SINHCAF: variants seen among roughly 807,000 people sequenced by gnomAD.
SINHCAF encodes SIN3-HDAC complex-associated factor.
SINHCAF carries 3 observed loss-of-function variants against 25.8 expected under a neutral mutation model. That is an observed-to-expected ratio of 0.12 (90% CI 0.05 to 0.30). SINHCAF has a LOEUF of 0.30. SINHCAF is among the 10% of genes least tolerant of loss of function. The probability of loss-of-function intolerance (pLI) is 1.00; values close to 1 mark genes in which losing one functional copy is unlikely to be tolerated. For synonymous variants in SINHCAF, 70 were observed against 85.5 expected (o/e 0.82, Z 1.00); for missense variants, 121 against 262.3 (o/e 0.46, Z 3.72).
chr12:31,315,762 T>C (rs1939472914), intron 1 of SINHCAF, among the ~76,000 whole-genome samples: 1 of 152,268 alleles, frequency 6.6e-6, no homozygotes, highest in Non-Finnish European at 1.5e-5. Flanking sequence ...AATTTTAAGT[T>C]GTCATTTGTA....
intron 4 of SINHCAF, among the ~76,000 whole-genome samples, chr12:31,293,556 G>A (rs778775656): frequency 6.6e-5 from 10 of 152,132 alleles, no homozygotes; most frequent in Admixed American, 2.0e-4. Flanking sequence ...TGTCAATAAA[G>A]ACATCAGGGT....
At chr12:31,299,742 T>G (rs996611635) in intron 1 of SINHCAF, among the ~76,000 whole-genome samples, 2 of 152,232 alleles carry the variant, frequency 1.3e-5, no homozygotes, top group Non-Finnish European at 2.9e-5. Flanking sequence ...TACAGTCATG[T>G]GTTGCTTAAC....
Position 31,282,622 on chromosome 12 carries a change from C to CAAA in SINHCAF, c.*87_*89dup. 4.8e-6 allele frequency: 5 copies of CAAA among 1,048,826 alleles called. No individual in the cohort carries two copies. In the African/African-American group the frequency reaches 5.5e-5, roughly 11 times the overall value. 65.0% of individuals were successfully genotyped at this position (1,048,826 alleles called of 1,614,324 possible). ...GGGTAACAAGAGCAAAACTCCGTCT[C>CAAA]AAAAAAAAAAGAGGGTCAGTTTGTA... On this transcript the variant is annotated 3_prime_UTR_variant, in exon 6 of 6. Transcript: ENST00000337682.
chr12:31,297,322 GTTTT>G (rs1046944397), intron 2 of SINHCAF, among the ~76,000 whole-genome samples: 1 of 151,844 alleles, frequency 6.6e-6, no homozygotes, highest in African/African-American at 2.4e-5. Flanking sequence ...CGTCTGGTGA[GTTTT>G]TTGTTTGTAT....
intron 5 of SINHCAF, among the ~76,000 whole-genome samples, chr12:31,285,814 A>C (rs1938038634): frequency 6.6e-6 from 1 of 151,830 alleles, no homozygotes; most frequent in Middle Eastern, 3.2e-3. Flanking sequence ...CATCTCTACT[A>C]AAATACAAAA....
In SINHCAF at chr12:31,325,174, A is replaced by G. The variant is rs761051412; in HGVS notation, c.-21+850T>C. On this transcript the variant is annotated intron_variant, in intron 1 of 5. Transcript: ENST00000337682. This position sits in a 1 kb window ranked among gnomAD's most constrained non-coding sequence, Gnocchi z 5.9. ...TCTTACAGCGCGGACGGCCGCCCATAAACGGGAAGCCCTCGCGGTGTCGCC... is the reference window on the plus strand; with the variant it reads ...TCTTACAGCGCGGACGGCCGCCCATGAACGGGAAGCCCTCGCGGTGTCGCC... 2.2e-6 allele frequency: 1 copy of G among 456,734 alleles called. No individual in the cohort carries two copies. The highest frequency in any genetic ancestry group is 1.5e-5 in the South Asian group (1 of 64,570). 28.3% of individuals were successfully genotyped at this position (456,734 alleles called of 1,614,324 possible). A position where few individuals can be genotyped will look rare whatever the true frequency, so the allele number is the denominator to read the frequency against.
intron 1 of SINHCAF, among the ~76,000 whole-genome samples, chr12:31,298,990 A>G (rs991314110): frequency 7.2e-5 from 11 of 151,980 alleles, no homozygotes; most frequent in Non-Finnish European, 8.8e-5. Flanking sequence ...TAACAGTGGG[A>G]GGCAAATGTC....
At chr12:31,291,284 C>T (rs17603947) in intron 4 of SINHCAF, among the ~76,000 whole-genome samples, 5 of 152,102 alleles carry the variant, frequency 3.3e-5, no homozygotes, top group Admixed American at 2.6e-4. Context: ...CATTTATAGA[C>T]GAATTTATTT....
chr12:31,325,722 A>C lies in SINHCAF; in HGVS notation c.-21+302T>G, dbSNP rs1296961190. The C allele has an allele frequency of 6.2e-6, 1 of 160,072 alleles. No individual in the cohort carries two copies. Among genetic ancestry groups the C allele is most frequent in the Admixed American group, 6.1e-5 (1 of 16,344 alleles). The allele number at this position is 160,072 out of a possible 1,614,324, so 9.9% of individuals were successfully genotyped here. The stretch of plus-strand genomic sequence containing the variant: ...TGTCACCTTCAACGTGGATCCCTCA[A>C]CTCCGGCGACTCCTCAATTATGCCC... On this transcript the variant is annotated intron_variant, in intron 1 of 5. Coordinates refer to ENST00000337682, the MANE Select transcript of SINHCAF (RefSeq NM_001135812.2). This position sits in a 1 kb window ranked among gnomAD's most constrained non-coding sequence, Gnocchi z 5.9.
intron 1 of SINHCAF, among the ~76,000 whole-genome samples, chr12:31,312,355 T>TG (rs1939306098): frequency 6.6e-6 from 1 of 150,500 alleles, no homozygotes; most frequent in African/African-American, 2.4e-5. Context: ...TTTTACGTAT[T>TG]TTGTGTGTGT....
Position 31,298,409 on chromosome 12 carries a change from A to G in SINHCAF, c.-20-185T>C, listed in dbSNP as rs1456690131. ...TGGCACTATCAAGGCAAGCGTATAA[A>G]ACACAAAGAAAAGCCTAGTTATTTA... is the stretch of plus-strand genomic sequence containing the variant. On this transcript the variant is annotated intron_variant, in intron 1 of 5. Transcript: ENST00000337682. The G allele has an allele frequency of 6.9e-6, 4 of 576,644 alleles. No individual in the cohort carries two copies. In the Admixed American group the frequency reaches 1.2e-4, roughly 18 times the overall value. 35.7% of individuals were successfully genotyped at this position (576,644 alleles called of 1,614,324 possible). A position where few individuals can be genotyped will look rare whatever the true frequency, so the allele number is the denominator to read the frequency against.
At position 31,286,207 on chromosome 12, in the gene SINHCAF, T is replaced by C. The variant is rs1938057344; in HGVS notation, c.506+1427A>G. 3.9e-5 allele frequency among the ~76,000 whole-genome samples: 6 copies of C among 152,346 alleles called. No homozygotes were observed. In the South Asian group the frequency reaches 1.2e-3, roughly 32 times the overall value. On this transcript the variant is annotated intron_variant, in intron 5 of 5. Coordinates refer to ENST00000337682, the MANE Select transcript of SINHCAF (RefSeq NM_001135812.2). The stretch of plus-strand genomic sequence containing the variant: ...TTCATTTTATCACAATTATGTATTA[T>C]GTACTTTTGTCCTTTTTGTAAGATA...
chr12:31,290,140 TTTTGTTTG>T (rs138412589), intron 4 of SINHCAF, among the ~76,000 whole-genome samples: 17 of 151,586 alleles, frequency 1.1e-4, no homozygotes, highest in East Asian at 5.8e-4. Flanking sequence ...ATGTTTTTGT[TTTTGTTTG>T]TTTGTTTGTT....
intron 4 of SINHCAF, among the ~76,000 whole-genome samples, chr12:31,292,813 C>T (rs1290650699): frequency 6.6e-6 from 1 of 152,164 alleles, no homozygotes; most frequent in Admixed American, 6.6e-5. Flanking sequence ...TTTACCGTCA[C>T]TAAACTTAGA....
chr12:31,309,575 T>C (rs1349586627), intron 1 of SINHCAF, among the ~76,000 whole-genome samples: 1 of 152,140 alleles, frequency 6.6e-6, no homozygotes, highest in Admixed American at 6.5e-5. Flanking sequence ...AGGAGCCTTA[T>C]GGTTTCCTTC....
rs74337624 is a variant in SINHCAF at position 31,308,673 on chromosome 12, T to G, written c.-20-10449A>C. ...TGAGAGAAGTCCGAGTCTGCTAAATTCATATTTCAGTATTTGGGAAAAGTA... is the reference window on the plus strand; with the variant it reads ...TGAGAGAAGTCCGAGTCTGCTAAATGCATATTTCAGTATTTGGGAAAAGTA... On this transcript the variant is annotated intron_variant, in intron 1 of 5. Coordinates refer to ENST00000337682, the MANE Select transcript of SINHCAF (RefSeq NM_001135812.2). Among the ~76,000 whole-genome samples, 454 of 152,222 alleles carry G rather than the reference T, an allele frequency of 3.0e-3. 15 individuals are homozygous for G. In the East Asian group the frequency reaches 0.08, roughly 27 times the overall value.
At position 31,310,603 on chromosome 12, in the gene SINHCAF, A is replaced by T. The variant is rs529372034; in HGVS notation, c.-20-12379T>A. On this transcript the variant is annotated intron_variant, in intron 1 of 5. Coordinates refer to ENST00000337682, the MANE Select transcript of SINHCAF (RefSeq NM_001135812.2). ...TACAGCCTTTTGATTTTCCTTTTTCATCATTGTGCAGGACAACTGGTCAGC... is the reference window on the plus strand; with the variant it reads ...TACAGCCTTTTGATTTTCCTTTTTCTTCATTGTGCAGGACAACTGGTCAGC... Among the ~76,000 whole-genome samples the T allele has an allele frequency of 2.0e-5, 3 of 152,166 alleles. No homozygotes were observed. In the South Asian group the frequency reaches 6.2e-4, roughly 32 times the overall value.
At chr12:31,293,205 C>T (rs1447613931) in intron 4 of SINHCAF, among the ~76,000 whole-genome samples, 1 of 152,126 alleles carries the variant, frequency 6.6e-6, no homozygotes, top group Non-Finnish European at 1.5e-5. Context: ...AGTGTATTTC[C>T]TTTTCAAAAT....
At chr12:31,309,669 T>C (rs928788693) in intron 1 of SINHCAF, among the ~76,000 whole-genome samples, 4 of 150,378 alleles carry the variant, frequency 2.7e-5, no homozygotes, top group African/African-American at 7.3e-5. Context: ...TTGTGATTTT[T>C]TTTTTTTTTT....
Sources: allele counts gnomAD v4.1 joint callset (sites outside exome capture counted in the v4.1 genomes callset), GRCh38; gene constraint gnomAD v4.1.1; non-coding constraint Gnocchi (gnomAD v3.1); transcripts MANE v1.5; gene names NCBI Gene and HGNC (gene_info 2026-07-23, HGNC 2026-07-21).